HMCN1: variants seen among roughly 807,000 people sequenced by gnomAD.
HMCN1 encodes the protein hemicentin 1.
HMCN1 carries 321 observed loss-of-function variants against 625.9 expected under a neutral mutation model. The ratio of observed to expected loss-of-function variants is 0.51; its 90% CI spans 0.47 to 0.56. HMCN1 has a LOEUF of 0.56. Ranked by LOEUF, HMCN1 falls within the 20% of genes least tolerant of loss-of-function variation. The probability of loss-of-function intolerance (pLI) is 0.00; values close to 1 mark genes in which losing one functional copy is unlikely to be tolerated. For synonymous variants in HMCN1, 2,425 were observed against 2,417.6 expected, an observed-to-expected ratio of 1.00 and a Z score of -0.09; for missense variants, 6,588 against 6,887.3, an observed-to-expected ratio of 0.96 and a Z score of 1.54.
At chr1:185,974,805 T>C (rs1651081497) in intron 15 of HMCN1, among the ~76,000 whole-genome samples, 1 of 152,202 alleles carries the variant, frequency 6.6e-6, no homozygotes, top group Non-Finnish European at 1.5e-5. Flanking sequence ...GACCTTGTGC[T>C]TGTTTTGTGC....
chr1:186,187,890 T>C lies in HMCN1; in HGVS notation c.16422T>C (p.Asp5474=). The C allele has an allele frequency of 6.2e-7, 1 of 1,613,750 alleles. No individual in the cohort carries two copies. Among genetic ancestry groups the C allele is most frequent in the Non-Finnish European group, 8.5e-7 (1 of 1,179,752 alleles). Residue 5474 remains aspartate, a synonymous_variant, in exon 106 of 107, where the codon GAT becomes GAC. Transcript: ENST00000271588. ...TCCCTGTGCTGTCCCTAGATATCGA[T>C]GAATGTCTGGAGCAGAATGTGCACT... ...THNGKTCQDI[D]ECLEQNVHCG...
intron 26 of HMCN1, 132 bp downstream of exon 26, chr1:186,000,371 T>C: frequency 4.3e-6 from 3 of 691,890 alleles, no homozygotes; most frequent in Non-Finnish European, 7.7e-6. Context: ...AATCTGGTGG[T>C]ATGATTGCAT....
At chr1:185,755,642 G>A (rs2102106242) in intron 1 of HMCN1, among the ~76,000 whole-genome samples, 1 of 152,270 alleles carries the variant, frequency 6.6e-6, no homozygotes, top group South Asian at 2.1e-4. Flanking sequence ...AGCTAACTGA[G>A]GAGAACACAA....
chr1:185,997,334 A>C, intron 24 of HMCN1, 95 bp from the exon 25 acceptor site: 1 of 784,110 alleles, frequency 1.3e-6, no homozygotes, highest in Non-Finnish European at 2.3e-6. Context: ...ATCAGCAGAG[A>C]TAGCAACTCA....
At chr1:186,060,819 G>C (rs1167356673) in intron 46 of HMCN1, among the ~76,000 whole-genome samples, 1 of 151,954 alleles carries the variant, frequency 6.6e-6, no homozygotes, top group African/African-American at 2.4e-5. Context: ...TGGGTGTCTG[G>C]GCTGGTTGTC....
chr1:185,921,721 T>G (rs1667015215), intron 6 of HMCN1, among the ~76,000 whole-genome samples: 1 of 152,230 alleles, frequency 6.6e-6, no homozygotes. Flanking sequence ...GTAATCTATG[T>G]AATAAAATAA....
At chr1:185,869,880 A>C (rs1281262284) in intron 4 of HMCN1, among the ~76,000 whole-genome samples, 2 of 152,136 alleles carry the variant, frequency 1.3e-5, no homozygotes, top group Admixed American at 1.3e-4. Context: ...CATTTTACTC[A>C]AGACTCTTCA....
chr1:186,138,444 TATTG>T (rs765952450), intron 89 of HMCN1, among the ~76,000 whole-genome samples: 3 of 152,106 alleles, frequency 2.0e-5, no homozygotes, highest in Non-Finnish European at 4.4e-5. Flanking sequence ...TGTGTATTGT[TATTG>T]ATTTTGTGTT....
At chr1:185,885,105 C>A (rs2102398944) in intron 4 of HMCN1, among the ~76,000 whole-genome samples, 1 of 150,246 alleles carries the variant, frequency 6.7e-6, no homozygotes, top group Admixed American at 6.6e-5. Flanking sequence ...TGGTAGTGGT[C>A]CTTGTTTGTC....
At chr1:185,868,674 G>A (rs1164448181) in intron 4 of HMCN1, among the ~76,000 whole-genome samples, 3 of 152,028 alleles carry the variant, frequency 2.0e-5, no homozygotes, top group African/African-American at 7.3e-5. Context: ...CCAGTCTTCG[G>A]CAATTCTTTA....
rs6693069 is a variant in HMCN1 at position 186,144,595 on chromosome 1, G to A, written c.14158G>A (p.Ala4720Thr). 40,179 of 1,613,978 alleles carry A rather than the reference G, an allele frequency of 0.025. 1,748 individuals carry two copies. Among genetic ancestry groups the A allele is most frequent in the African/African-American group, 0.2 (14,652 of 74,924 alleles). ...SACSVSCGGG[A>T]RQRTRGCSDP... ...CTGTTCTGTGTCATGTGGAGGAGGT[G>A]CCAGACAGAGAACAAGGGGCTGCTC... The change falls in exon 91 of 107, where the codon GCC becomes ACC. Residue 4720 changes from alanine (A) to threonine (T), a missense_variant. Physicochemically the swap from Ala to Thr is moderately conservative, Grantham distance 58 (BLOSUM62 0). This residue lies in a region of HMCN1 where 1,954 missense variants were observed against 2,013.1 expected (regional missense o/e 0.97). Coordinates refer to ENST00000271588, the MANE Select transcript of HMCN1 (RefSeq NM_031935.3).
intron 55 of HMCN1, among the ~76,000 whole-genome samples, chr1:186,078,541 C>T (rs1658967331): frequency 6.6e-6 from 1 of 152,198 alleles, no homozygotes; most frequent in South Asian, 2.1e-4. Context: ...CCAGACTTTA[C>T]CTCTCTCGAC....
intron 70 of HMCN1, 74 bp downstream of exon 70, chr1:186,107,039 A>T (rs1309923680): frequency 1.1e-6 from 1 of 876,842 alleles, no homozygotes. Flanking sequence ...ACACCACAGC[A>T]CATCACAGGA....
chr1:186,188,568 A>G (rs978743122), intron 106 of HMCN1, among the ~76,000 whole-genome samples: 1 of 152,164 alleles, frequency 6.6e-6, no homozygotes, highest in Non-Finnish European at 1.5e-5. Flanking sequence ...CCCTTCCAGA[A>G]ATGTTGTACT....
intron 1 of HMCN1, among the ~76,000 whole-genome samples, chr1:185,768,566 G>A (rs1420275387): frequency 2.6e-5 from 4 of 152,196 alleles, no homozygotes; most frequent in Admixed American, 2.0e-4. Flanking sequence ...TAAGGAATGT[G>A]TTCTACAAGT....
chr1:186,078,288 AG>A, intron 55 of HMCN1, 68 bp downstream of exon 55: 1 of 1,112,200 alleles, frequency 9.0e-7, no homozygotes, highest in Non-Finnish European at 1.3e-6. Context: ...TAATGTTTGC[AG>A]GATGTTACAC....
At chr1:185,755,865 G>A (rs959689) in intron 1 of HMCN1, among the ~76,000 whole-genome samples, 5,990 of 152,206 alleles carry the variant, frequency 0.039, 333 homozygotes, top group African/African-American at 0.13. Context: ...CCAGTGTTAC[G>A]GCCTTAGAAA....
At chr1:186,127,194 C>T (rs780715240) in intron 82 of HMCN1, among the ~76,000 whole-genome samples, 8 of 151,888 alleles carry the variant, frequency 5.3e-5, no homozygotes, top group Non-Finnish European at 1.0e-4. Context: ...TGGAAGGAAT[C>T]GGGAGGTCAG....
intron 46 of HMCN1, among the ~76,000 whole-genome samples, chr1:186,059,659 T>C (rs1045067670): frequency 3.3e-5 from 5 of 152,198 alleles, no homozygotes; most frequent in Admixed American, 3.3e-4. Flanking sequence ...ACATGCCTAT[T>C]TCATTAATAT....
Sources: gnomAD v4.1 joint callset for allele counts (sites outside exome capture counted in the v4.1 genomes callset) on GRCh38, gnomAD v4.1.1 for gene constraint, gnomAD v4.1.1 regional missense constraint, MANE v1.5 for transcripts, NCBI Gene and HGNC (gene_info 2026-07-23, HGNC 2026-07-21) for gene names.